Variants in STAG1 observed in about 807,000 individuals in gnomAD.
The protein encoded by STAG1 is STAG1 cohesin complex component.
A neutral mutation model predicts 170.9 loss-of-function variants in STAG1; 26 were observed. The ratio of observed to expected loss-of-function variants is 0.15; its 90% CI spans 0.11 to 0.21. The LOEUF (loss-of-function observed/expected upper bound fraction) is 0.21, where lower values mean the gene tolerates loss of function less well. STAG1 is among the 10% of genes least tolerant of loss of function. The probability of loss-of-function intolerance (pLI) is 1.00; values close to 1 mark genes in which losing one functional copy is unlikely to be tolerated. For missense variants in STAG1, 964 were observed against 1,509.5 expected, an observed-to-expected ratio of 0.64 and a Z score of 5.99; for synonymous variants, 514 against 497.7, an observed-to-expected ratio of 1.03 and a Z score of -0.44.
In STAG1 at chr3:136,356,394, G is replaced by A. The variant is rs1328333470; in HGVS notation, c.3065+1326C>T. Among the ~76,000 whole-genome samples, 9 of 152,170 alleles carry A rather than the reference G, an allele frequency of 5.9e-5. 1 individual carries two copies. In the East Asian group the frequency reaches 1.5e-3, roughly 26 times the overall value. ...TCCTGTTATATTTAAAAAATCGACT[G>A]ATTGACACAGGCTCCCCAGGCTGTC... On this transcript the variant is annotated intron_variant, in intron 28 of 33. Transcript: ENST00000383202.
intron 7 of STAG1, among the ~76,000 whole-genome samples, chr3:136,504,513 G>A (rs1933655819): frequency 6.6e-6 from 1 of 152,150 alleles, no homozygotes; most frequent in Non-Finnish European, 1.5e-5. Flanking sequence ...ACTACACTAT[G>A]AAAGTTTAAA....
chr3:136,570,603 CAAACAATTTCTCA>C, intron 4 of STAG1, among the ~76,000 whole-genome samples: 1 of 152,294 alleles, frequency 6.6e-6, no homozygotes, highest in Middle Eastern at 3.4e-3. Flanking sequence ...TAGATAATGC[CAAACAATTTCTCA>C]TAACAAGTTG....
chr3:136,531,178 A>G (rs1453206801), intron 6 of STAG1, among the ~76,000 whole-genome samples: 1 of 151,636 alleles, frequency 6.6e-6, no homozygotes, highest in Non-Finnish European at 1.5e-5. Flanking sequence ...ATCACTGGCC[A>G]TCAGAGAAAT....
At chr3:136,479,053 A>G (rs910515545) in intron 9 of STAG1, among the ~76,000 whole-genome samples, 1 of 132,530 alleles carries the variant, frequency 7.5e-6, no homozygotes, top group Non-Finnish European at 1.5e-5. Flanking sequence ...TGGCTATTAT[A>G]ATCTTTCTTT....
intron 12 of STAG1, among the ~76,000 whole-genome samples, chr3:136,465,376 C>T (rs754876220): frequency 1.6e-4 from 24 of 151,262 alleles, no homozygotes; most frequent in Admixed American, 4.0e-4. Context: ...CCCAACACCA[C>T]GCTCAGCTAA....
chr3:136,603,145 G>T (rs1938753907), intron 4 of STAG1, among the ~76,000 whole-genome samples: 1 of 151,196 alleles, frequency 6.6e-6, no homozygotes, highest in Non-Finnish European at 1.5e-5. Context: ...GTATACTAAT[G>T]AAAAGTTGTC....
At chr3:136,744,331 A>G (rs1934827341) in intron 1 of STAG1, among the ~76,000 whole-genome samples, 1 of 152,234 alleles carries the variant, frequency 6.6e-6, no homozygotes, top group Admixed American at 6.5e-5. Context: ...CCGTCTCCAA[A>G]ATAAAAATAC....
At chr3:136,592,956 C>T (rs1411416687) in intron 4 of STAG1, among the ~76,000 whole-genome samples, 1 of 152,172 alleles carries the variant, frequency 6.6e-6, no homozygotes, top group East Asian at 1.9e-4. Flanking sequence ...GCACAGACAA[C>T]CTGGCAATAA....
intron 14 of STAG1, among the ~76,000 whole-genome samples, chr3:136,446,376 T>C (rs1445872823): frequency 6.6e-6 from 1 of 152,126 alleles, no homozygotes; most frequent in African/African-American, 2.4e-5. Context: ...TAGGCAGTAA[T>C]CTGACTGCAT....
chr3:136,702,191 T>C (rs955804877), intron 1 of STAG1, among the ~76,000 whole-genome samples: 2 of 151,328 alleles, frequency 1.3e-5, no homozygotes, highest in African/African-American at 2.4e-5. Flanking sequence ...TGTAAAGACA[T>C]GATCTCACTA....
rs112169023 is a variant in STAG1, at chr3:136,393,055, G to C, written c.2277+5694C>G. Among the ~76,000 whole-genome samples, 961 of 152,142 alleles carry C rather than the reference G, an allele frequency of 6.3e-3. 7 individuals are homozygous for C. The highest frequency in any genetic ancestry group is 9.5e-3 in the Non-Finnish European group (646 of 68,004). ...ACAGAAAGAAAAACAAATAATGGTT[G>C]GCTGGCTTGCTCCCTCACTGTCTAA... is the stretch of plus-strand genomic sequence containing the variant. On this transcript the variant is annotated intron_variant, in intron 22 of 33. Transcript: ENST00000383202.
intron 12 of STAG1, 143 bp downstream of exon 12, chr3:136,472,270 T>G (rs1051576346): frequency 6.1e-6 from 3 of 491,860 alleles, no homozygotes; most frequent in Non-Finnish European, 1.1e-5. Context: ...AAAACACTTT[T>G]TAAATCTAAC....
chr3:136,750,145 A>C (rs1326936886), intron 1 of STAG1, among the ~76,000 whole-genome samples: 2 of 152,214 alleles, frequency 1.3e-5, no homozygotes, highest in African/African-American at 4.8e-5. Context: ...TTTCACAGAC[A>C]TCTTGTTACA....
At chr3:136,741,972 A>G (rs1407957540) in intron 1 of STAG1, among the ~76,000 whole-genome samples, 2 of 152,206 alleles carry the variant, frequency 1.3e-5, no homozygotes, top group East Asian at 1.9e-4. Flanking sequence ...TTTCATCACA[A>G]TAAAAAGGTC....
intron 1 of STAG1, among the ~76,000 whole-genome samples, chr3:136,682,432 T>TA (rs1018601901): frequency 2.2e-4 from 29 of 131,338 alleles, no homozygotes; most frequent in South Asian, 1.2e-3. Context: ...TTCACAAAAT[T>TA]AAAAAAAAAA....
intron 1 of STAG1, among the ~76,000 whole-genome samples, chr3:136,712,006 T>C (rs1317413705): frequency 6.6e-6 from 1 of 152,152 alleles, no homozygotes; most frequent in Non-Finnish European, 1.5e-5. Flanking sequence ...TATGTACCTA[T>C]TCAGATAACT....
rs548749897 is a variant in STAG1 at position 136,549,773 on chromosome 3, T to C, written c.395-7578A>G. ...TTCCTGATCTTACAGAAAAAGCTTT[T>C]AGATTTTCACCATAGAATATGTTAG... On this transcript the variant is annotated intron_variant, in intron 5 of 33. Coordinates refer to ENST00000383202, the MANE Select transcript of STAG1 (RefSeq NM_005862.3). Among the ~76,000 whole-genome samples, 21 of 152,276 alleles carry C rather than the reference T, an allele frequency of 1.4e-4. 1 individual carries two copies. The South Asian group carries it at 4.4e-3, about 32-fold the overall frequency.
intron 4 of STAG1, among the ~76,000 whole-genome samples, chr3:136,573,294 T>C (rs371064912): frequency 6.6e-6 from 1 of 151,872 alleles, no homozygotes; most frequent in South Asian, 2.1e-4. Context: ...AGTATGGGCA[T>C]AGGTGGGTGG....
chr3:136,428,932 C>T (rs1168870629), intron 16 of STAG1, among the ~76,000 whole-genome samples: 2 of 152,158 alleles, frequency 1.3e-5, no homozygotes, highest in Non-Finnish European at 2.9e-5. Context: ...GAAAGGAATT[C>T]GAGACCAGCC....
Sources: allele counts gnomAD v4.1 joint callset (sites outside exome capture counted in the v4.1 genomes callset), GRCh38; gene constraint gnomAD v4.1.1; transcripts MANE v1.5; gene names NCBI Gene and HGNC (gene_info 2026-07-23, HGNC 2026-07-21).